Variants in MYCBP2 observed in about 807,000 individuals in gnomAD.
MYCBP2 encodes E3 ubiquitin-protein ligase MYCBP2.
In MYCBP2, 120 loss-of-function variants were observed where a neutral mutation model predicts 525.3. That is an observed-to-expected ratio of 0.23 (90% confidence interval 0.20 to 0.27). The LOEUF is 0.27. Among genes scored for constraint, MYCBP2 ranks in the 10% least tolerant of loss-of-function variants. MYCBP2 has a pLI of 1.00. For synonymous variants in MYCBP2, 1,894 were observed against 1,955.8 expected, an observed-to-expected ratio of 0.97 and a Z score of 0.83; for missense variants, 4,149 against 5,657.1, an observed-to-expected ratio of 0.73 and a Z score of 8.55.
At chr13:77,262,179 C>T (rs1238985732) in intron 10 of MYCBP2, 50 bp from the exon 11 acceptor site, 3 of 1,418,844 alleles carry the variant, frequency 2.1e-6, no homozygotes, top group Non-Finnish European at 2.9e-6. Flanking sequence ...ATGAAGAATT[C>T]TAAATACAAC....
At chr13:77,156,628 G>A (rs1046657749) in intron 45 of MYCBP2, among the ~76,000 whole-genome samples, 1 of 152,176 alleles carries the variant, frequency 6.6e-6, no homozygotes, top group Non-Finnish European at 1.5e-5. Context: ...GGGTAGAAAT[G>A]GCCCTCTACT....
chr13:77,050,354 G>A (rs1202995252), intron 82 of MYCBP2, among the ~76,000 whole-genome samples: 1 of 152,136 alleles, frequency 6.6e-6, no homozygotes, highest in Non-Finnish European at 1.5e-5. Flanking sequence ...TATATCTTAT[G>A]TAAAATTCTC....
At chr13:77,101,579 T>C (rs1201804512) in intron 55 of MYCBP2, among the ~76,000 whole-genome samples, 1 of 152,058 alleles carries the variant, frequency 6.6e-6, no homozygotes, top group Non-Finnish European at 1.5e-5. Context: ...CATTTGTATA[T>C]CTTATTATAT....
intron 66 of MYCBP2, among the ~76,000 whole-genome samples, chr13:77,078,571 G>A (rs1232608800): frequency 6.6e-6 from 1 of 152,164 alleles, no homozygotes; most frequent in Admixed American, 6.5e-5. Context: ...TTGGGGAGTA[G>A]GGTAGGGAGA....
Position 77,243,863 on chromosome 13 carries a change from T to C in MYCBP2, c.2470A>G (p.Arg824Gly). 6.2e-7 allele frequency: 1 copy of C among 1,613,808 alleles called. No individual in the cohort carries two copies. The highest frequency in any genetic ancestry group is 1.7e-5 in the Admixed American group (1 of 59,974). ...CARELDGQEA[R>G]QRGILDAVKE... The stretch of plus-strand genomic sequence containing the variant: ...ACTGCATCAAGAATTCCTCTTTGTC[T>C]TGCCTCTTGACCATCTAACTCTCTT... The change falls in exon 16 of 83, where the codon AGA (arginine) becomes GGA (glycine). Residue 824 changes from arginine (R) to glycine (G), a missense_variant. Physicochemically the swap from Arg to Gly is moderately radical, Grantham distance 125. Around this residue, in one of 21 missense-constraint regions of MYCBP2, gnomAD observed 620 missense variants for 795.5 expected, o/e 0.78. Coordinates refer to ENST00000544440, the MANE Select transcript of MYCBP2 (RefSeq NM_015057.5).
Position 77,260,451 on chromosome 13 carries a change from T to C in MYCBP2, c.1994A>G (p.Asp665Gly). ...ACTTGAACTATCAGAGTAAATGGCA[T>C]CTTTTCCAAACATGTAGAGTTCTCC... ...KDGELYMFGKDAIYSDSSSLV... is the reference protein window; with the variant it reads ...KDGELYMFGKGAIYSDSSSLV... The change falls in exon 13 of 83, where the codon GAT (aspartate) becomes GGT (glycine). Residue 665 changes from aspartate (D) to glycine (G), a missense_variant. This residue lies in a region of MYCBP2 where 262 missense variants were observed against 419.3 expected (regional missense o/e 0.62). Coordinates refer to ENST00000544440, the MANE Select transcript of MYCBP2 (RefSeq NM_015057.5). The C allele has an allele frequency of 1.3e-6, 2 of 1,596,392 alleles. No homozygotes were observed. The highest frequency in any genetic ancestry group is 1.7e-6 in the Non-Finnish European group (2 of 1,175,252).
At chr13:77,281,599 T>G (rs920401247) in intron 3 of MYCBP2, among the ~76,000 whole-genome samples, 12 of 152,166 alleles carry the variant, frequency 7.9e-5, no homozygotes, top group Non-Finnish European at 1.6e-4. Flanking sequence ...GAAGGTTATC[T>G]ATCATATTTG....
At chr13:77,265,102 T>C (rs1055633436) in intron 8 of MYCBP2, among the ~76,000 whole-genome samples, 20 of 152,070 alleles carry the variant, frequency 1.3e-4, no homozygotes, top group African/African-American at 4.8e-4. Context: ...ATCATAAATA[T>C]GCAAAACACA....
chr13:77,326,871 C>T lies in MYCBP2; in HGVS notation c.-96G>A. The T allele has an allele frequency of 8.3e-7, 1 of 1,203,178 alleles. No homozygotes were observed. The highest frequency in any genetic ancestry group is 1.1e-6 in the Non-Finnish European group (1 of 933,632). The allele number at this position is 1,203,178 out of a possible 1,614,324, so 74.5% of individuals were successfully genotyped here. On this transcript the variant is annotated 5_prime_UTR_variant, in exon 1 of 83. Coordinates refer to ENST00000544440, the MANE Select transcript of MYCBP2 (RefSeq NM_015057.5). The surrounding 1 kb of genome is among the most constrained non-coding windows in gnomAD (Gnocchi z 4.2). ...CAGCCCTTTTCCAACGACGACGGCT[C>T]CGGCGGCGGCCTCTGGCTCCCGCAG...
intron 35 of MYCBP2, 41 bp downstream of exon 35, chr13:77,177,707 A>T: frequency 6.8e-7 from 1 of 1,479,286 alleles, no homozygotes; most frequent in Non-Finnish European, 9.4e-7. Flanking sequence ...CCTGATACAC[A>T]ACCCACTAAT....
Position 77,165,308 on chromosome 13 carries a change from C to T in MYCBP2, c.6424G>A (p.Ala2142Thr), listed in dbSNP as rs768323912. The stretch of plus-strand genomic sequence containing the variant: ...CCAGGGCTAAATTCATATCCAATTG[C>T]AAAACACTTAAAACCATAGAAAGAA... ...KASFYGFKCF[A>T]IGYEFSPGPD... The change falls in exon 42 of 83, where the codon GCA becomes ACA. Residue 2142 changes from alanine (A) to threonine (T), a missense_variant. Around this residue, in one of 21 missense-constraint regions of MYCBP2, gnomAD observed 692 missense variants for 852.7 expected, o/e 0.81. Coordinates refer to ENST00000544440, the MANE Select transcript of MYCBP2 (RefSeq NM_015057.5). The T allele has an allele frequency of 1.6e-5, 26 of 1,611,720 alleles. No homozygotes were observed. The highest frequency in any genetic ancestry group is 3.4e-5 in the Admixed American group (2 of 59,654).
At chr13:77,278,676 T>C (rs2075876370) in intron 4 of MYCBP2, 82 bp downstream of exon 4, 1 of 1,207,484 alleles carries the variant, frequency 8.3e-7, no homozygotes, top group Non-Finnish European at 1.1e-6. Context: ...AAATATTCTC[T>C]TAACAATTTT....
At chr13:77,087,032 ACTGT>A (rs1254446664) in intron 62 of MYCBP2, among the ~76,000 whole-genome samples, 2 of 152,086 alleles carry the variant, frequency 1.3e-5, no homozygotes, top group East Asian at 1.9e-4. Context: ...GTCTATTTCT[ACTGT>A]CTATTGTTTT....
intron 55 of MYCBP2, among the ~76,000 whole-genome samples, chr13:77,115,750 C>T (rs2154151243): frequency 6.6e-6 from 1 of 151,168 alleles, no homozygotes; most frequent in South Asian, 2.1e-4. Context: ...TTAAACCATG[C>T]ACCGGTTGAT....
rs576861391 is a variant in MYCBP2 at position 77,065,653 on chromosome 13, A to G, written c.12552+339T>C. Among the ~76,000 whole-genome samples, 4 of 152,304 alleles carry G rather than the reference A, an allele frequency of 2.6e-5. No homozygotes were observed. The East Asian group carries it at 7.7e-4, about 29-fold the overall frequency. On this transcript the variant is annotated intron_variant, in intron 72 of 82. Transcript: ENST00000544440. ...CCATGAGGACTGAGGAGAATGAGAAACTTCCACTTTCGAGAGCTCTCTTCC... is the reference window on the plus strand; with the variant it reads ...CCATGAGGACTGAGGAGAATGAGAAGCTTCCACTTTCGAGAGCTCTCTTCC...
intron 68 of MYCBP2, among the ~76,000 whole-genome samples, chr13:77,074,026 G>C (rs1223438580): frequency 4.5e-5 from 5 of 111,026 alleles, no homozygotes; most frequent in Non-Finnish European, 8.8e-5. Flanking sequence ...TTTTTTTAAA[G>C]AAACGGTCAA....
At chr13:77,127,106 T>C (rs1566629089) in intron 52 of MYCBP2, among the ~76,000 whole-genome samples, 1 of 152,040 alleles carries the variant, frequency 6.6e-6, no homozygotes, top group African/African-American at 2.4e-5. Context: ...GAATGAAATA[T>C]TGATGCTTAC....
intron 60 of MYCBP2, among the ~76,000 whole-genome samples, chr13:77,089,510 C>T (rs1247980706): frequency 6.6e-6 from 1 of 152,060 alleles, no homozygotes; most frequent in African/African-American, 2.4e-5. Flanking sequence ...GCCAAATCTT[C>T]ATTTTAGCAA....
intron 8 of MYCBP2, 114 bp downstream of exon 8, chr13:77,267,715 AGATTTTTAAAAC>A (rs2154342362): frequency 1.4e-6 from 1 of 724,164 alleles, no homozygotes; most frequent in Non-Finnish European, 2.4e-6. Context: ...TTGTATGTCA[AGATTTTTAAAAC>A]CCTTTTATAA....
Sources: allele counts gnomAD v4.1 joint callset (sites outside exome capture counted in the v4.1 genomes callset), GRCh38; gene constraint gnomAD v4.1.1; regional missense constraint gnomAD v4.1.1; non-coding constraint Gnocchi (gnomAD v3.1); transcripts MANE v1.5; gene names NCBI Gene and HGNC (gene_info 2026-07-23, HGNC 2026-07-21).